The following M1AP variants were observed in gnomAD, a reference collection of about 807,000 sequenced individuals.
M1AP encodes meiosis 1 associated protein, also known as meiosis 1 arrest protein.
M1AP carries 39 observed loss-of-function variants against 51.2 expected under a neutral mutation model. That is an observed-to-expected ratio of 0.76 (90% CI 0.59 to 1.00). The LOEUF (loss-of-function observed/expected upper bound fraction) is 1.00, where lower values mean the gene tolerates loss of function less well. M1AP is among the 50% of genes least tolerant of loss of function. The probability of loss-of-function intolerance (pLI) is 0.00; values close to 1 mark genes in which losing one functional copy is unlikely to be tolerated. For synonymous variants in M1AP, 251 were observed against 249.2 expected (o/e 1.01, Z -0.07); for missense variants, 545 against 641.2 (o/e 0.85, Z 1.62).
intron 4 of M1AP, among the ~76,000 whole-genome samples, chr2:74,594,405 A>G (rs1680209926): frequency 6.6e-6 from 1 of 152,198 alleles, no homozygotes; most frequent in Non-Finnish European, 1.5e-5. Flanking sequence ...AAAAAATGAA[A>G]AGATAGGACA....
At chr2:74,637,956 T>C (rs1222843558) in intron 2 of M1AP, among the ~76,000 whole-genome samples, 2 of 152,142 alleles carry the variant, frequency 1.3e-5, no homozygotes, top group Non-Finnish European at 2.9e-5. Flanking sequence ...AAGTCCCAGA[T>C]CCATCTCCTT....
At chr2:74,626,038 G>A (rs551031493) in intron 2 of M1AP, among the ~76,000 whole-genome samples, 1 of 152,294 alleles carries the variant, frequency 6.6e-6, no homozygotes, top group African/African-American at 2.4e-5. Flanking sequence ...AGGAACTGCA[G>A]ACCAACTTTA....
At chr2:74,612,905 C>T (rs184650634) in intron 3 of M1AP, among the ~76,000 whole-genome samples, 3 of 152,030 alleles carry the variant, frequency 2.0e-5, no homozygotes, top group East Asian at 1.9e-4. Context: ...CTGGTATTCC[C>T]GTTACATGTA....
At chr2:74,622,780 C>CTGTATAAAA (rs1553417247) in intron 2 of M1AP, among the ~76,000 whole-genome samples, 1 of 151,136 alleles carries the variant, frequency 6.6e-6, no homozygotes, top group Non-Finnish European at 1.5e-5. Context: ...AAAACAATAG[C>CTGTATAAAA]AGTAATGTCT....
At chr2:74,558,978 C>G in intron 10 of M1AP, 104 bp from the exon 11 acceptor site, 1 of 1,139,486 alleles carries the variant, frequency 8.8e-7, no homozygotes, top group South Asian at 1.8e-5. Flanking sequence ...AAGTTCATTC[C>G]CTGGAGTGAC....
intron 2 of M1AP, among the ~76,000 whole-genome samples, chr2:74,622,874 G>C (rs1682144225): frequency 6.6e-6 from 1 of 151,108 alleles, no homozygotes; most frequent in East Asian, 1.9e-4. Flanking sequence ...GTATTGTTTA[G>C]TGAAGGGTAG....
chr2:74,573,898 G>A (rs1678899437), intron 7 of M1AP, among the ~76,000 whole-genome samples: 2 of 152,188 alleles, frequency 1.3e-5, no homozygotes, highest in African/African-American at 4.8e-5. Flanking sequence ...ATGTATTGAA[G>A]CCACCTGGGA....
intron 5 of M1AP, among the ~76,000 whole-genome samples, chr2:74,580,397 TG>T (rs1351752148): frequency 4.0e-5 from 6 of 151,682 alleles, no homozygotes; most frequent in Non-Finnish European, 8.8e-5. Flanking sequence ...ACAAAAGAGG[TG>T]GAAAGGAGGT....
intron 7 of M1AP, among the ~76,000 whole-genome samples, chr2:74,566,642 T>A (rs1678404203): frequency 7.8e-6 from 1 of 127,628 alleles, no homozygotes; most frequent in Non-Finnish European, 1.6e-5. Context: ...CACCTGTCTA[T>A]CCCCCCCACC....
chr2:74,642,983 G>T (rs954285127), intron 1 of M1AP, among the ~76,000 whole-genome samples: 34 of 152,110 alleles, frequency 2.2e-4, no homozygotes, highest in African/African-American at 8.2e-4. Flanking sequence ...CACCCAAAAT[G>T]CTGGGATTAT....
rs117818433 is a variant in M1AP, at chr2:74,634,367, G to C, written c.240+5669C>G. 2.5e-4 allele frequency among the ~76,000 whole-genome samples: 38 copies of C among 152,282 alleles called. 1 individual carries two copies. The East Asian group carries it at 7.3e-3, about 29-fold the overall frequency. ...TCAGAAATCCAGGCTCTTACCACTT[G>C]ACTTAAGGTGTTAGTATATCACCAG... On this transcript the variant is annotated intron_variant, in intron 2 of 10. Transcript: ENST00000421985.
intron 2 of M1AP, among the ~76,000 whole-genome samples, chr2:74,631,596 G>A (rs955227565): frequency 6.6e-6 from 1 of 152,044 alleles, no homozygotes; most frequent in Non-Finnish European, 1.5e-5. Flanking sequence ...AATACTCTGA[G>A]TCCTAATATC....
At chr2:74,561,217 A>AGGAGGAGGAGG (rs1677970029) in intron 8 of M1AP, among the ~76,000 whole-genome samples, 2 of 24,736 alleles carry the variant, frequency 8.1e-5, no homozygotes, top group African/African-American at 1.3e-4. Context: ...GGAGGAGGAG[A>AGGAGGAGGAGG]AGGAGGAGGA....
chr2:74,628,412 G>C, intron 2 of M1AP: 2 of 381,970 alleles, frequency 5.2e-6, no homozygotes, highest in Non-Finnish European at 1.1e-5. Flanking sequence ...TATTTCTGCT[G>C]CTTACCTTAC....
At chr2:74,615,627 GCT>G (rs1192992658) in intron 2 of M1AP, 1 of 158,776 alleles carries the variant, frequency 6.3e-6, no homozygotes, top group Non-Finnish European at 1.4e-5. Context: ...TATCTAATAC[GCT>G]CTTTAGGATA....
intron 7 of M1AP, among the ~76,000 whole-genome samples, chr2:74,569,493 G>T (rs1328253128): frequency 2.7e-5 from 4 of 150,820 alleles, no homozygotes; most frequent in Admixed American, 2.0e-4. Context: ...TGATTCTCGC[G>T]CCTCCCGAGT....
At chr2:74,580,980 C>T (rs1214369615) in intron 5 of M1AP, among the ~76,000 whole-genome samples, 1 of 152,134 alleles carries the variant, frequency 6.6e-6, no homozygotes, top group Non-Finnish European at 1.5e-5. Context: ...CCAGGTCCCG[C>T]CTGAGCCAGC....
At chr2:74,634,178 G>A (rs946650440) in intron 2 of M1AP, among the ~76,000 whole-genome samples, 9 of 152,170 alleles carry the variant, frequency 5.9e-5, no homozygotes, top group Admixed American at 2.6e-4. Context: ...TCAGCTTAAT[G>A]TTATTAACAT....
At chr2:74,620,723 G>T in intron 2 of M1AP, 1 of 215,816 alleles carries the variant, frequency 4.6e-6, no homozygotes, top group Non-Finnish European at 9.9e-6. Context: ...GAAGTACAGA[G>T]TTAGTACAAA....
Sources: gnomAD v4.1 joint callset for allele counts (sites outside exome capture counted in the v4.1 genomes callset) on GRCh38, gnomAD v4.1.1 for gene constraint, MANE v1.5 for transcripts, NCBI Gene and HGNC (gene_info 2026-07-23, HGNC 2026-07-21) for gene names.